PCDH9: variants seen among roughly 807,000 people sequenced by gnomAD.
PCDH9 encodes the protein protocadherin 9, also known as protocadherin-9.
Under a neutral mutation model 70.6 loss-of-function variants are expected in PCDH9, and 24 were observed. The observed-to-expected ratio is 0.34, with a 90% CI of 0.25 to 0.48. The LOEUF (loss-of-function observed/expected upper bound fraction) is 0.48. PCDH9 is among the 20% of genes least tolerant of loss of function. PCDH9 has a pLI of 0.99. For synonymous variants in PCDH9, 562 were observed against 558.5 expected, an observed-to-expected ratio of 1.01 and a Z score of -0.09; for missense variants, 1,281 against 1,503.6, an observed-to-expected ratio of 0.85 and a Z score of 2.45.
chr13:66,909,545 GGATCACGAGGTCAGGAGATGGAGACCAT>G (rs1566285163), intron 2 of PCDH9, among the ~76,000 whole-genome samples: 10 of 152,096 alleles, frequency 6.6e-5, no homozygotes, highest in African/African-American at 2.4e-4. Context: ...CCAGGCAGGC[GGATCACGAGGTCAGGAGATGGAGACCAT>G]CCTGGCTAAC....
rs369300520 is a variant in PCDH9, at chr13:67,228,429, C to T, written c.12G>A (p.Arg4=). The T allele has an allele frequency of 2.1e-5, 33 of 1,580,396 alleles. No homozygotes were observed. The highest frequency in any genetic ancestry group is 2.8e-5 in the Non-Finnish European group (33 of 1,165,288). The part of the protein sequence containing the change: MDL[R]DFYLLAALIA... ...TCAGAGCAGCCAACAGGTAAAAATC[C>T]CTCAGGTCCATGATAATGTATTTAT... The change falls in exon 2 of 5, where the codon AGG becomes AGA. Residue 4 remains arginine, a synonymous_variant. Coordinates refer to ENST00000377865, the MANE Select transcript of PCDH9 (RefSeq NM_203487.3).
At chr13:66,327,731 G>C (rs1955872431) in intron 4 of PCDH9, among the ~76,000 whole-genome samples, 1 of 152,110 alleles carries the variant, frequency 6.6e-6, no homozygotes, top group Admixed American at 6.6e-5. Flanking sequence ...TATAATACCT[G>C]ATGCATTATG....
intron 2 of PCDH9, among the ~76,000 whole-genome samples, chr13:67,192,559 A>G (rs1024830903): frequency 6.6e-6 from 1 of 152,216 alleles, no homozygotes; most frequent in African/African-American, 2.4e-5. Context: ...GAACATATTC[A>G]TTCTGACTGA....
chr13:67,088,221 T>A (rs1249759282), intron 2 of PCDH9, among the ~76,000 whole-genome samples: 1 of 151,982 alleles, frequency 6.6e-6, no homozygotes, highest in Non-Finnish European at 1.5e-5. Flanking sequence ...TTTAATACAT[T>A]ACATTAACCC....
At chr13:67,025,227 T>C (rs2084756613) in intron 2 of PCDH9, among the ~76,000 whole-genome samples, 1 of 152,122 alleles carries the variant, frequency 6.6e-6, no homozygotes, top group African/African-American at 2.4e-5. Context: ...TGAAATGGTT[T>C]GGTATATTTT....
intron 4 of PCDH9, among the ~76,000 whole-genome samples, chr13:66,520,759 T>C (rs1259271336): frequency 6.6e-6 from 1 of 152,164 alleles, no homozygotes; most frequent in African/African-American, 2.4e-5. Flanking sequence ...TTGAACCATA[T>C]GATGCTTTGT....
At chr13:67,224,256 T>C (rs2089796676) in intron 2 of PCDH9, 1 of 152,234 alleles carries the variant, frequency 6.6e-6, no homozygotes. Flanking sequence ...GTTGGTGTGC[T>C]GAGAGCTAAT....
At chr13:66,951,042 A>G (rs2083171624) in intron 2 of PCDH9, among the ~76,000 whole-genome samples, 1 of 152,116 alleles carries the variant, frequency 6.6e-6, no homozygotes, top group Non-Finnish European at 1.5e-5. Flanking sequence ...TCCTACCCTC[A>G]TCCTTGCTTA....
intron 3 of PCDH9, among the ~76,000 whole-genome samples, chr13:66,898,071 T>C (rs2082212344): frequency 6.6e-6 from 1 of 152,062 alleles, no homozygotes; most frequent in Non-Finnish European, 1.5e-5. Flanking sequence ...CTTCTTTATC[T>C]AGTGAGTGAG....
chr13:66,725,390 C>T (rs1349692423), intron 3 of PCDH9, among the ~76,000 whole-genome samples: 3 of 152,198 alleles, frequency 2.0e-5, no homozygotes, highest in Non-Finnish European at 2.9e-5. Flanking sequence ...CCAGAATGAT[C>T]TTCTTAAAGT....
chr13:67,165,078 A>C (rs1020720636), intron 2 of PCDH9, among the ~76,000 whole-genome samples: 5 of 152,184 alleles, frequency 3.3e-5, no homozygotes, highest in Non-Finnish European at 7.3e-5. Flanking sequence ...TGTGTTGAAA[A>C]ACAATATATA....
At chr13:66,850,853 C>T (rs1176617991) in intron 3 of PCDH9, among the ~76,000 whole-genome samples, 1 of 152,188 alleles carries the variant, frequency 6.6e-6, no homozygotes, top group Non-Finnish European at 1.5e-5. Flanking sequence ...CCCAGCTGAT[C>T]TTTCAGATAT....
intron 3 of PCDH9, among the ~76,000 whole-genome samples, chr13:66,714,287 A>T (rs1423106186): frequency 1.3e-5 from 2 of 151,918 alleles, no homozygotes; most frequent in African/African-American, 4.8e-5. Flanking sequence ...AACACTGTGA[A>T]ACCCCATCTC....
intron 2 of PCDH9, among the ~76,000 whole-genome samples, chr13:66,959,163 A>T (rs2083306783): frequency 6.6e-6 from 1 of 152,228 alleles, no homozygotes; most frequent in South Asian, 2.1e-4. Context: ...AAAGAGCATG[A>T]TAAAAACACC....
chr13:67,222,950 T>C (rs1244580745), intron 2 of PCDH9: 3 of 152,184 alleles, frequency 2.0e-5, no homozygotes, highest in Non-Finnish European at 4.4e-5. Flanking sequence ...TATTACTTTG[T>C]ATATCACTAC....
At chr13:66,799,027 T>G (rs1308398816) in intron 3 of PCDH9, among the ~76,000 whole-genome samples, 1 of 152,010 alleles carries the variant, frequency 6.6e-6, no homozygotes, top group Non-Finnish European at 1.5e-5. Flanking sequence ...CTTAGCCAGG[T>G]TGGTCTCAAA....
chr13:67,077,183 C>T (rs2085894455), intron 2 of PCDH9, among the ~76,000 whole-genome samples: 1 of 152,134 alleles, frequency 6.6e-6, no homozygotes, highest in Admixed American at 6.6e-5. Flanking sequence ...AGCTCCCACT[C>T]CCTGATCAAC....
chr13:67,087,905 T>C (rs2138202373), intron 2 of PCDH9, among the ~76,000 whole-genome samples: 1 of 152,172 alleles, frequency 6.6e-6, no homozygotes, highest in East Asian at 1.9e-4. Flanking sequence ...GATAGATGTT[T>C]AGTATTCTGT....
chr13:66,778,827 T>G (rs2079944108), intron 3 of PCDH9, among the ~76,000 whole-genome samples: 1 of 152,178 alleles, frequency 6.6e-6, no homozygotes, highest in Admixed American at 6.5e-5. Flanking sequence ...ATGTTGTTAG[T>G]GCAATAATGT....
Sources: allele counts gnomAD v4.1 joint callset (sites outside exome capture counted in the v4.1 genomes callset), GRCh38; gene constraint gnomAD v4.1.1; transcripts MANE v1.5; gene names NCBI Gene and HGNC (gene_info 2026-07-23, HGNC 2026-07-21).